The following PRSS38 variants were observed in gnomAD, a reference collection of about 807,000 sequenced individuals.
PRSS38 encodes the protein serine protease 38.
PRSS38 carries 22 observed loss-of-function variants against 26.8 expected under a neutral mutation model. The observed-to-expected ratio is 0.82, with a 90% CI of 0.59 to 1.17. The LOEUF (loss-of-function observed/expected upper bound fraction) is 1.17, where lower values mean the gene tolerates loss of function less well. PRSS38 is among the 50% of genes most tolerant of loss of function. The pLI, the probability that PRSS38 is intolerant of heterozygous loss-of-function variation, is 0.00. For missense variants in PRSS38, 427 were observed against 422.7 expected, an observed-to-expected ratio of 1.01 and a Z score of -0.09; for synonymous variants, 175 against 172.1, an observed-to-expected ratio of 1.02 and a Z score of -0.13.
At chr1:227,843,367 C>T (rs897993110) in intron 3 of PRSS38, among the ~76,000 whole-genome samples, 4 of 152,198 alleles carry the variant, frequency 2.6e-5, no homozygotes, top group African/African-American at 9.7e-5. Context: ...CATTCTCCCA[C>T]ACCCAACAAA....
chr1:227,843,935 C>A (rs902623739), intron 3 of PRSS38, among the ~76,000 whole-genome samples: 2 of 151,544 alleles, frequency 1.3e-5, no homozygotes, highest in African/African-American at 4.9e-5. Flanking sequence ...TTGCAGTGAG[C>A]CAAGATTGTA....
intron 3 of PRSS38, among the ~76,000 whole-genome samples, chr1:227,836,132 T>C (rs1309519893): frequency 1.3e-5 from 2 of 151,960 alleles, no homozygotes; most frequent in Non-Finnish European, 2.9e-5. Flanking sequence ...AAGGTCTTGC[T>C]CTGTTGCCCA....
At chr1:227,820,638 T>C (rs1664990063) in intron 3 of PRSS38, among the ~76,000 whole-genome samples, 1 of 152,208 alleles carries the variant, frequency 6.6e-6, no homozygotes. Context: ...AATATTTTGC[T>C]GAGGGTTTTT....
At chr1:227,825,405 T>C (rs1665059255) in intron 3 of PRSS38, among the ~76,000 whole-genome samples, 1 of 152,180 alleles carries the variant, frequency 6.6e-6, no homozygotes, top group African/African-American at 2.4e-5. Context: ...TTGGCTGGGA[T>C]GGTCTCGATC....
chr1:227,842,462 T>G (rs544409756), intron 3 of PRSS38, among the ~76,000 whole-genome samples: 73 of 152,332 alleles, frequency 4.8e-4, no homozygotes, highest in African/African-American at 1.5e-3. Flanking sequence ...TTTCAGTGTT[T>G]GCTTGCTTAT....
At chr1:227,817,553 C>A in intron 3 of PRSS38, 73 bp downstream of exon 3, 2 of 1,514,954 alleles carry the variant, frequency 1.3e-6, no homozygotes, top group Non-Finnish European at 1.8e-6. Flanking sequence ...AAATGCTCTG[C>A]CAGCTAAGGG....
intron 3 of PRSS38, among the ~76,000 whole-genome samples, chr1:227,838,217 C>T (rs1264162206): frequency 6.6e-6 from 1 of 152,182 alleles, no homozygotes; most frequent in East Asian, 1.9e-4. Flanking sequence ...TAATTTTCAA[C>T]ATCTATTCTA....
chr1:227,817,296 C>T (rs1664935651), exon 3 of PRSS38: 1 of 1,614,052 alleles, frequency 6.2e-7, no homozygotes, highest in Admixed American at 1.7e-5. Context: ...ATGAGGTGAA[C>T]AGGGTGATCC....
exon 5 of PRSS38, chr1:227,846,443 A>T: frequency 1.7e-6 from 1 of 577,056 alleles, no homozygotes; most frequent in Non-Finnish European, 3.1e-6. Context: ...CTGAGATTTG[A>T]TAAGATCATT....
chr1:227,815,793 C>A, exon 1 of PRSS38: 3 of 1,612,392 alleles, frequency 1.9e-6, no homozygotes, highest in Non-Finnish European at 2.5e-6. Context: ...CTGGTGGTGG[C>A]CCCTCCCCGG....
chr1:227,821,092 A>T (rs1664997191), intron 3 of PRSS38, among the ~76,000 whole-genome samples: 1 of 152,194 alleles, frequency 6.6e-6, no homozygotes, highest in Admixed American at 6.5e-5. Context: ...CCAAATAAAA[A>T]GTGGAATTAA....
chr1:227,840,978 A>G (rs1016772733), intron 3 of PRSS38, among the ~76,000 whole-genome samples: 1 of 152,220 alleles, frequency 6.6e-6, no homozygotes, highest in African/African-American at 2.4e-5. Flanking sequence ...TCCAAAACCA[A>G]GACGACGTTT....
intron 3 of PRSS38, among the ~76,000 whole-genome samples, chr1:227,825,187 T>A (rs1239552820): frequency 6.6e-6 from 1 of 152,020 alleles, no homozygotes; most frequent in Non-Finnish European, 1.5e-5. Flanking sequence ...TTCTTCTAGG[T>A]TTTTTATTTT....
chr1:227,830,809 G>C (rs1665144072), intron 3 of PRSS38, among the ~76,000 whole-genome samples: 1 of 151,694 alleles, frequency 6.6e-6, no homozygotes, highest in African/African-American at 2.4e-5. Flanking sequence ...CCGGCCTTAA[G>C]GTATCTAATT....
intron 3 of PRSS38, among the ~76,000 whole-genome samples, chr1:227,835,513 G>T (rs1466855764): frequency 6.6e-6 from 1 of 152,182 alleles, no homozygotes; most frequent in Non-Finnish European, 1.5e-5. Context: ...ACAAGTACAT[G>T]TACATGTGTG....
chr1:227,816,138 C>T lies in PRSS38; in HGVS notation c.197C>T (p.Ala66Val), dbSNP rs79840641. The T allele has an allele frequency of 0.14, 225,451 of 1,613,558 alleles. 16,796 individuals are homozygous for T. The highest frequency in any genetic ancestry group is 0.24 in the East Asian group (10,534 of 44,822). Residue 66 changes from alanine (A) to valine (V), a missense_variant, in exon 2 of 5, where the codon GCG (alanine) becomes GTG (valine). By Grantham distance (64) the Ala-to-Val change is moderately conservative. Coordinates refer to ENST00000366757, the Ensembl canonical transcript of PRSS38. This position sits in a 1 kb window ranked among gnomAD's most constrained non-coding sequence, Gnocchi z 5.1. ...GGGAAAATCCTGGGCGGCGTCCCTGCGCCCGAGAGGAAGTGGCCGTGGCAG... is the reference window on the plus strand; with the variant it reads ...GGGAAAATCCTGGGCGGCGTCCCTGTGCCCGAGAGGAAGTGGCCGTGGCAG...
chr1:227,827,412 G>A (rs1408130016), intron 3 of PRSS38, among the ~76,000 whole-genome samples: 2 of 152,088 alleles, frequency 1.3e-5, no homozygotes, highest in African/African-American at 2.4e-5. Context: ...AGTCTTGGGA[G>A]GGTGTATGTG....
intron 3 of PRSS38, 113 bp from the exon 4 acceptor site, chr1:227,845,357 T>C: frequency 1.4e-6 from 1 of 702,996 alleles, no homozygotes; most frequent in Middle Eastern, 4.0e-4. Flanking sequence ...CCTTCCTACG[T>C]ATAGTGGGGC....
At chr1:227,817,231 G>A (rs1664933504) in exon 3 of PRSS38, 2 of 1,613,690 alleles carry the variant, frequency 1.2e-6, no homozygotes, top group South Asian at 2.2e-5. Context: ...CAAAATCTAT[G>A]ACATGTACGT....
Sources: allele counts gnomAD v4.1 joint callset (sites outside exome capture counted in the v4.1 genomes callset), GRCh38; gene constraint gnomAD v4.1.1; non-coding constraint Gnocchi (gnomAD v3.1); transcripts MANE v1.5; gene names NCBI Gene and HGNC (gene_info 2026-07-23, HGNC 2026-07-21).